The following NEURL2 variants were observed in gnomAD, a reference collection of about 807,000 sequenced individuals.
NEURL2 encodes the protein neuralized E3 ubiquitin protein ligase 2.
A neutral mutation model predicts 15.9 loss-of-function variants in NEURL2; 16 were observed. That is an observed-to-expected ratio of 1.01 (90% CI 0.68 to 1.53). NEURL2 has a LOEUF of 1.53. NEURL2 is among the 40% of genes most tolerant of loss of function. NEURL2 has a pLI of 0.00. For missense variants in NEURL2, 393 were observed against 407.8 expected (o/e 0.96, Z 0.31); for synonymous variants, 188 against 178.3 (o/e 1.05, Z -0.43).
In NEURL2 at chr20:45,888,851, G is replaced by A. The variant is rs1159224169; in HGVS notation, c.765C>T (p.Cys255=). 7 of 1,613,838 alleles carry A rather than the reference G, an allele frequency of 4.3e-6. No individual in the cohort carries two copies. The Admixed American group carries it at 5.0e-5, about 12-fold the overall frequency. The change falls in exon 2 of 2, where the codon TGC becomes TGT. Residue 255 remains cysteine, a synonymous_variant. Coordinates refer to ENST00000372518, the MANE Select transcript of NEURL2 (RefSeq NM_080749.4). The stretch of plus-strand genomic sequence containing the variant: ...CCATGCTCCTTTGTATCACTAGGCG[G>A]CACAGAGTCTGCAGGGATGGCACTG... ...EYGLPSLQTL[C]RLVIQRSMVH...
rs1986578617 is a variant in NEURL2, at chr20:45,888,716, G to A, written c.*42C>T. 1 of 1,606,310 alleles carries A rather than the reference G, an allele frequency of 6.2e-7. No homozygotes were observed. Among genetic ancestry groups the A allele is most frequent in the Non-Finnish European group, 8.5e-7 (1 of 1,174,872 alleles). On this transcript the variant is annotated 3_prime_UTR_variant, in exon 2 of 2. Coordinates refer to ENST00000372518, the MANE Select transcript of NEURL2 (RefSeq NM_080749.4). The stretch of plus-strand genomic sequence containing the variant: ...CTTCGGACCAGCCAGCCACAGGTCT[G>A]GGGCTCCAGGATGCAGCTGTGCTCT...
In NEURL2 at chr20:45,890,059, G is replaced by A. The variant is rs571682053; in HGVS notation, c.742+191C>T. ...TAGGGCATCTTAATCAATCAACCAA[G>A]ATAGGTACCAAGGCCCAAAACCATG... is the stretch of plus-strand genomic sequence containing the variant. On this transcript the variant is annotated intron_variant, in intron 1 of 1. Coordinates refer to ENST00000372518, the MANE Select transcript of NEURL2 (RefSeq NM_080749.4). 1.4e-4 allele frequency: 89 copies of A among 618,742 alleles called. No individual in the cohort carries two copies. In the African/African-American group the frequency reaches 1.5e-3, roughly 10 times the overall value. The allele number at this position is 618,742 out of a possible 1,614,324, so 38.3% of individuals were successfully genotyped here. A position where few individuals can be genotyped will look rare whatever the true frequency, so the allele number is the denominator to read the frequency against.
In NEURL2 at chr20:45,891,095, C is replaced by A; in HGVS notation, c.-104G>T. 7.9e-7 allele frequency: 1 copy of A among 1,262,294 alleles called. No homozygotes were observed. The highest frequency in any genetic ancestry group is 1.5e-5 in the South Asian group (1 of 65,072). The allele number at this position is 1,262,294 out of a possible 1,614,324, so 78.2% of individuals were successfully genotyped here. A position where few individuals can be genotyped will look rare whatever the true frequency, so the allele number is the denominator to read the frequency against. ...TTGTAAGGCATTTCCCCCCTGACTC[C>A]CTTCCCCGAGCCTCTGCCCGGGGGT... On this transcript the variant is annotated 5_prime_UTR_variant, in exon 1 of 2. It introduces an in-frame stop codon into an upstream open reading frame of the 5' UTR. Transcript: ENST00000372518. The surrounding 1 kb of genome is among the most constrained non-coding windows in gnomAD (Gnocchi z 4.6).
chr20:45,890,594 G>T lies in NEURL2; in HGVS notation c.398C>A (p.Ala133Glu), dbSNP rs773310703. 6.2e-7 allele frequency: 1 copy of T among 1,612,342 alleles called. No individual in the cohort carries two copies. The highest frequency in any genetic ancestry group is 1.7e-4 in the Middle Eastern group (1 of 6,058). Residue 133 changes from alanine (A) to glutamate (E), a missense_variant, in exon 1 of 2, where the codon GCG becomes GAG. Ala to Glu is a moderately radical substitution (Grantham distance 107). Coordinates refer to ENST00000372518, the MANE Select transcript of NEURL2 (RefSeq NM_080749.4). ...GAGGGTTGGAGGTCGGCTGGGGGCC[G>T]CTGCCTCCGCCTCCGGGCGGCCCTC... is the stretch of plus-strand genomic sequence containing the variant. ...PREGRPEAEA[A>E]APSRPPTLLV...
Position 45,889,587 on chromosome 20 carries a change from CT to C in NEURL2, c.742+662del, listed in dbSNP as rs1448346334. The stretch of plus-strand genomic sequence containing the variant: ...AGGCTTGAGCTAGCTAGCTTGCTTG[CT>C]TGCTTGCTTTCTCTCTCTTCCTCTC... On this transcript the variant is annotated intron_variant, in intron 1 of 1. Transcript: ENST00000372518. Among the ~76,000 whole-genome samples, 3 of 148,622 alleles carry C rather than the reference CT, an allele frequency of 2.0e-5. No individual in the cohort carries two copies. In the Admixed American group the frequency reaches 2.1e-4, roughly 10 times the overall value.
chr20:45,890,644 C>A lies in NEURL2; in HGVS notation c.348G>T (p.Thr116=), dbSNP rs1231246277. 6.2e-7 allele frequency: 1 copy of A among 1,613,170 alleles called. No individual in the cohort carries two copies. Among genetic ancestry groups the A allele is most frequent in the Admixed American group, 1.7e-5 (1 of 59,990 alleles). ...NLGHTWVFAI[T]RHHNRVPREG... is the part of the protein sequence containing the mutation. ...CCCGGGGCACGCGGTTGTGGTGGCGCGTGATGGCGAAGACCCAGGTGTGGC... is the reference window on the plus strand; with the variant it reads ...CCCGGGGCACGCGGTTGTGGTGGCGAGTGATGGCGAAGACCCAGGTGTGGC... Residue 116 remains threonine, a synonymous_variant, in exon 1 of 2, where the codon ACG becomes ACT. Coordinates refer to ENST00000372518, the MANE Select transcript of NEURL2 (RefSeq NM_080749.4).
chr20:45,888,917 G>C lies in NEURL2; in HGVS notation c.743-44C>G, dbSNP rs1428826626. Reference sequence around the variant, plus strand: ...GAAAGGCAAACTGAACTGGAGGGTGGGTCTGAGGCCAAGATCCAGAAGGTC... The same window carrying C: ...GAAAGGCAAACTGAACTGGAGGGTGCGTCTGAGGCCAAGATCCAGAAGGTC... On this transcript the variant is annotated intron_variant, in intron 1 of 1. Coordinates refer to ENST00000372518, the MANE Select transcript of NEURL2 (RefSeq NM_080749.4). 1.9e-6 allele frequency: 3 copies of C among 1,610,704 alleles called. No homozygotes were observed. In the Admixed American group the frequency reaches 5.0e-5, roughly 27 times the overall value.
At chr20:45,889,551 C>A (rs1986642324) in intron 1 of NEURL2, among the ~76,000 whole-genome samples, 1 of 152,036 alleles carries the variant, frequency 6.6e-6, no homozygotes, top group Admixed American at 6.6e-5. Context: ...TGGGGTCTCA[C>A]TTTGTTGCCC....
Position 45,890,360 on chromosome 20 carries a change from T to C in NEURL2, c.632A>G (p.Glu211Gly). The C allele has an allele frequency of 6.2e-7, 1 of 1,612,948 alleles. No homozygotes were observed. The highest frequency in any genetic ancestry group is 8.5e-7 in the Non-Finnish European group (1 of 1,179,988). Reference sequence around the variant, plus strand: ...TCCCCGGGCGCTCGGGCCCATGTCCTCGCCGTTGATGATGATGTGCATGTC... The same window carrying C: ...TCCCCGGGCGCTCGGGCCCATGTCCCCGCCGTTGATGATGATGTGCATGTC... The part of the protein sequence containing the change: ...TADMHIIING[E>G]DMGPSARGLP... Residue 211 changes from glutamate (E) to glycine (G), a missense_variant, in exon 1 of 2, where the codon GAG becomes GGG. Physicochemically the swap from Glu to Gly is moderately conservative, Grantham distance 98. Transcript: ENST00000372518.
Position 45,891,116 on chromosome 20 carries a change from G to GAA in NEURL2, c.-126_-125insTT. The GAA allele has an allele frequency of 8.7e-7, 1 of 1,145,616 alleles. No individual in the cohort carries two copies. The highest frequency in any genetic ancestry group is 1.2e-6 in the Non-Finnish European group (1 of 821,318). 71.0% of individuals were successfully genotyped at this position (1,145,616 alleles called of 1,614,324 possible). A position where few individuals can be genotyped will look rare whatever the true frequency, so the allele number is the denominator to read the frequency against. On this transcript the variant is annotated 5_prime_UTR_variant, in exon 1 of 2. Transcript: ENST00000372518. The surrounding 1 kb of genome is among the most constrained non-coding windows in gnomAD (Gnocchi z 4.6). ...ACTCCCTTCCCCGAGCCTCTGCCCG[G>GAA]GGGTCCTAGCGCCGCTTTCTCAGCC... is the stretch of plus-strand genomic sequence containing the variant.
rs761549706 is a variant in NEURL2, at chr20:45,890,266, G to T, written c.726C>A (p.Val242=). 2 of 1,613,826 alleles carry T rather than the reference G, an allele frequency of 1.2e-6. No homozygotes were observed. The highest frequency in any genetic ancestry group is 1.7e-6 in the Non-Finnish European group (2 of 1,180,040). Residue 242 remains valine, a synonymous_variant, in exon 1 of 2, where the codon GTC becomes GTA. Coordinates refer to ENST00000372518, the MANE Select transcript of NEURL2 (RefSeq NM_080749.4). ...VFASTKSVRL[V]QLEYGLPSLQ... Reference sequence around the variant, plus strand: ...GATACCTACAGCCATACTCGAGCTGGACAAGGCGCACGCTCTTTGTGGAAG... The same window carrying T: ...GATACCTACAGCCATACTCGAGCTGTACAAGGCGCACGCTCTTTGTGGAAG...
rs1323353002 is a variant in NEURL2, at chr20:45,890,948, C to T, written c.44G>A (p.Gly15Glu). 2 of 1,515,148 alleles carry T rather than the reference C, an allele frequency of 1.3e-6. No individual in the cohort carries two copies. Among genetic ancestry groups the T allele is most frequent in the South Asian group, 2.5e-5 (2 of 78,506 alleles). 93.9% of individuals were successfully genotyped at this position (1,515,148 alleles called of 1,614,324 possible). A position where few individuals can be genotyped will look rare whatever the true frequency, so the allele number is the denominator to read the frequency against. Residue 15 changes from glycine (G) to glutamate (E), a missense_variant, in exon 1 of 2, where the codon GGA (glycine) becomes GAA (glutamate). Transcript: ENST00000372518. ...GGGAGGGGGCTCCGGGCGCTCGAGT[C>T]CCCAGAGTGCACCCGAATCCACGGG... ...SEPVDSGALW[G>E]LERPEPPPTR...
At position 45,890,102 on chromosome 20, in the gene NEURL2, T is replaced by C. The variant is rs377454767; in HGVS notation, c.742+148A>G. On this transcript the variant is annotated intron_variant, in intron 1 of 1. Coordinates refer to ENST00000372518, the MANE Select transcript of NEURL2 (RefSeq NM_080749.4). ...AAACCATGTAGAGGCTTGTGCAAGA[T>C]CACAAGCAGAGGTGCAATTTGAAGC... The C allele has an allele frequency of 3.0e-5, 25 of 822,706 alleles. No individual in the cohort carries two copies. In the African/African-American group the frequency reaches 4.2e-4, roughly 14 times the overall value. 51.0% of individuals were successfully genotyped at this position (822,706 alleles called of 1,614,324 possible).
chr20:45,890,277 C>G lies in NEURL2; in HGVS notation c.715G>C (p.Val239Leu). Residue 239 changes from valine (V) to leucine (L), a missense_variant, in exon 1 of 2, where the codon GTG (valine) becomes CTG (leucine). Coordinates refer to ENST00000372518, the MANE Select transcript of NEURL2 (RefSeq NM_080749.4). ...VVDVFASTKS[V>L]RLVQLEYGLP... is the part of the protein sequence containing the mutation. Reference sequence around the variant, plus strand: ...CCATACTCGAGCTGGACAAGGCGCACGCTCTTTGTGGAAGCAAACACGTCC... The same window carrying G: ...CCATACTCGAGCTGGACAAGGCGCAGGCTCTTTGTGGAAGCAAACACGTCC... 1 of 1,613,766 alleles carries G rather than the reference C, an allele frequency of 6.2e-7. No homozygotes were observed. The highest frequency in any genetic ancestry group is 8.5e-7 in the Non-Finnish European group (1 of 1,180,040).
rs1171879684 is a variant in NEURL2 at position 45,890,235 on chromosome 20, C to A, written c.742+15G>T. 1 of 1,613,810 alleles carries A rather than the reference C, an allele frequency of 6.2e-7. No homozygotes were observed. Among genetic ancestry groups the A allele is most frequent in the East Asian group, 2.2e-5 (1 of 44,878 alleles). ...CACACTGAGCCAGGAGGGGTCGCTG[C>A]CCAGGGATACCTACAGCCATACTCG... On this transcript the variant is annotated intron_variant, in intron 1 of 1. Coordinates refer to ENST00000372518, the MANE Select transcript of NEURL2 (RefSeq NM_080749.4).
chr20:45,889,359 T>TTC (rs1035863674), intron 1 of NEURL2, among the ~76,000 whole-genome samples: 5 of 111,892 alleles, frequency 4.5e-5, no homozygotes, highest in African/African-American at 2.3e-4. Flanking sequence ...TTTTCTTTCT[T>TTC]TTTTTTTTTT....
At position 45,891,144 on chromosome 20, in the gene NEURL2, C is replaced by A; in HGVS notation, c.-153G>T. On this transcript the variant is annotated 5_prime_UTR_variant, in exon 1 of 2. Transcript: ENST00000372518. The surrounding 1 kb of genome is among the most constrained non-coding windows in gnomAD (Gnocchi z 4.6). Reference sequence around the variant, plus strand: ...GTCCTAGCGCCGCTTTCTCAGCCATCCCGCCTACAACTTAGCCGTCCACAA... The same window carrying A: ...GTCCTAGCGCCGCTTTCTCAGCCATACCGCCTACAACTTAGCCGTCCACAA... The A allele has an allele frequency of 9.8e-7, 1 of 1,018,202 alleles. No individual in the cohort carries two copies. The highest frequency in any genetic ancestry group is 1.4e-6 in the Non-Finnish European group (1 of 699,368). The allele number at this position is 1,018,202 out of a possible 1,614,324, so 63.1% of individuals were successfully genotyped here. A position where few individuals can be genotyped will look rare whatever the true frequency, so the allele number is the denominator to read the frequency against.
chr20:45,890,655 AGACCCAGGTGT>A lies in NEURL2; in HGVS notation c.326_336del (p.His109LeufsTer38). On this transcript the variant is annotated frameshift_variant, in exon 1 of 2. Transcript: ENST00000372518. LOFTEE classifies it high-confidence loss of function. ...CGGTTGTGGTGGCGCGTGATGGCGA[AGACCCAGGTGT>A]GGCCCAGGTTGACCAGATCGGGCAG... 1.2e-6 allele frequency: 2 copies of A among 1,613,518 alleles called. No individual in the cohort carries two copies. Among genetic ancestry groups the A allele is most frequent in the Non-Finnish European group, 1.7e-6 (2 of 1,179,832 alleles).
intron 1 of NEURL2, chr20:45,890,014 C>G: frequency 1.7e-6 from 1 of 581,566 alleles, no homozygotes; most frequent in African/African-American, 1.9e-5. Flanking sequence ...GAAACACTAT[C>G]AAAACTAAAA....
Sources: gnomAD v4.1 joint callset for allele counts (sites outside exome capture counted in the v4.1 genomes callset) on GRCh38, gnomAD v4.1.1 for gene constraint, Gnocchi (gnomAD v3.1) non-coding constraint, MANE v1.5 for transcripts, NCBI Gene and HGNC (gene_info 2026-07-23, HGNC 2026-07-21) for gene names.